The following ADARB2 variants were observed in gnomAD, a reference collection of about 807,000 sequenced individuals.
ADARB2 encodes inactive double-stranded RNA-specific editase B2.
ADARB2 carries 25 observed loss-of-function variants against 62.2 expected under a neutral mutation model. The observed-to-expected ratio is 0.40, with a 90% CI of 0.29 to 0.56. ADARB2 has a LOEUF of 0.56. Ranked by LOEUF, ADARB2 falls within the 20% of genes least tolerant of loss-of-function variation. ADARB2 has a pLI of 0.43. For synonymous variants in ADARB2, 572 were observed against 500.8 expected, an observed-to-expected ratio of 1.14 and a Z score of -1.90; for missense variants, 1,071 against 1,077.4, an observed-to-expected ratio of 0.99 and a Z score of 0.08.
At chr10:1,715,601 T>G (rs927784765) in intron 1 of ADARB2, among the ~76,000 whole-genome samples, 7 of 152,230 alleles carry the variant, frequency 4.6e-5, no homozygotes, top group African/African-American at 7.2e-5. Flanking sequence ...TCATCTGGCC[T>G]TCTTCTATCA....
intron 1 of ADARB2, among the ~76,000 whole-genome samples, chr10:1,406,812 C>G (rs983361773): frequency 1.2e-4 from 18 of 152,212 alleles, no homozygotes; most frequent in Admixed American, 1.2e-3. Context: ...GGCCCTGATT[C>G]CTGCACGTCC....
intron 1 of ADARB2, among the ~76,000 whole-genome samples, chr10:1,717,182 T>TTTTTTC (rs1835030585): frequency 4.8e-5 from 7 of 145,332 alleles, no homozygotes; most frequent in African/African-American, 1.6e-4. Context: ...TTTTTGCTTT[T>TTTTTTC]TGTTTTTAAA....
chr10:1,339,122 G>C (rs990963990), intron 3 of ADARB2, among the ~76,000 whole-genome samples: 2 of 152,216 alleles, frequency 1.3e-5, no homozygotes, highest in African/African-American at 4.8e-5. Flanking sequence ...TAGCCGGGTT[G>C]CTCGGCCACG....
chr10:1,631,027 AT>A (rs1234941975), intron 1 of ADARB2, among the ~76,000 whole-genome samples: 5 of 152,190 alleles, frequency 3.3e-5, no homozygotes, highest in African/African-American at 1.2e-4. Flanking sequence ...GAAAAGAATT[AT>A]GAGGGAAATA....
rs1469419262 is a variant in ADARB2, at chr10:1,633,609, T to TATCTATCC, written c.100+103441_100+103442insGGATAGAT. On this transcript the variant is annotated intron_variant, in intron 1 of 9. Transcript: ENST00000381312. The stretch of plus-strand genomic sequence containing the variant: ...CTATCTATCTATCTATCTATCTATC[T>TATCTATCC]ATCCCTCTATGTAATCTATCTATCC... Among the ~76,000 whole-genome samples the TATCTATCC allele has an allele frequency of 1.0e-3, 149 of 147,948 alleles. 1 individual carries two copies. Among genetic ancestry groups the TATCTATCC allele is most frequent in the African/African-American group, 3.5e-3 (139 of 39,564 alleles).
rs924845735 is a variant in ADARB2 at position 1,398,505 on chromosome 10, C to G, written c.101-19345G>C. On this transcript the variant is annotated intron_variant, in intron 1 of 9. Transcript: ENST00000381312. This position sits in a 1 kb window ranked among gnomAD's most constrained non-coding sequence, Gnocchi z 4.1. The stretch of plus-strand genomic sequence containing the variant: ...CCCTGTGGAGCTCCAGTGAAGACCC[C>G]TCTCCAGGAGCCCCTAACCCCAGTT... 1.3e-5 allele frequency among the ~76,000 whole-genome samples: 2 copies of G among 152,246 alleles called. No homozygotes were observed. Among genetic ancestry groups the G allele is most frequent in the African/African-American group, 4.8e-5 (2 of 41,474 alleles).
intron 3 of ADARB2, among the ~76,000 whole-genome samples, chr10:1,303,554 G>T (rs1319954505): frequency 6.6e-6 from 1 of 152,088 alleles, no homozygotes; most frequent in Non-Finnish European, 1.5e-5. Context: ...CTCAAGAAGA[G>T]CAACTCCAAG....
chr10:1,414,262 T>G (rs985038676), intron 1 of ADARB2, among the ~76,000 whole-genome samples: 1 of 152,226 alleles, frequency 6.6e-6, no homozygotes, highest in African/African-American at 2.4e-5. Flanking sequence ...GCTGAGGCAG[T>G]GCTTGCATGT....
intron 3 of ADARB2, among the ~76,000 whole-genome samples, chr10:1,325,024 A>G (rs867561905): frequency 6.6e-6 from 1 of 152,184 alleles, no homozygotes. Context: ...CTGTGAATCT[A>G]CAATTGTCAG....
chr10:1,398,840 C>T lies in ADARB2; in HGVS notation c.101-19680G>A, dbSNP rs1397569620. On this transcript the variant is annotated intron_variant, in intron 1 of 9. Coordinates refer to ENST00000381312, the MANE Select transcript of ADARB2 (RefSeq NM_018702.4). This position sits in a 1 kb window ranked among gnomAD's most constrained non-coding sequence, Gnocchi z 4.1. ...AGATTTTCTCCCTCCGCAGCAGCAGCGCAGCCTGCACGAGGTTGCTGGGGG... is the reference window on the plus strand; with the variant it reads ...AGATTTTCTCCCTCCGCAGCAGCAGTGCAGCCTGCACGAGGTTGCTGGGGG... 5.3e-5 allele frequency among the ~76,000 whole-genome samples: 8 copies of T among 152,118 alleles called. No individual in the cohort carries two copies.
intron 1 of ADARB2, among the ~76,000 whole-genome samples, chr10:1,719,645 T>C (rs1303056240): frequency 6.6e-6 from 1 of 152,152 alleles, no homozygotes; most frequent in Admixed American, 6.5e-5. Context: ...TTGCAAACCA[T>C]GTATCTGACA....
At chr10:1,550,867 G>A (rs1002881227) in intron 1 of ADARB2, among the ~76,000 whole-genome samples, 2 of 132,218 alleles carry the variant, frequency 1.5e-5, no homozygotes, top group Admixed American at 7.5e-5. Flanking sequence ...GCCGCCGTGC[G>A]AGCCCTGTTT....
chr10:1,660,140 C>G (rs1315824196), intron 1 of ADARB2, among the ~76,000 whole-genome samples: 1 of 152,254 alleles, frequency 6.6e-6, no homozygotes, highest in Non-Finnish European at 1.5e-5. Flanking sequence ...TGTGTCCACC[C>G]TCCTCCTCCA....
At chr10:1,318,224 G>A (rs970047132) in intron 3 of ADARB2, among the ~76,000 whole-genome samples, 4 of 152,216 alleles carry the variant, frequency 2.6e-5, no homozygotes, top group African/African-American at 9.7e-5. Context: ...CCACAGAGAA[G>A]CGTGTAGTCA....
At chr10:1,431,451 C>G (rs1008540752) in intron 1 of ADARB2, among the ~76,000 whole-genome samples, 6 of 152,126 alleles carry the variant, frequency 3.9e-5, no homozygotes, top group Non-Finnish European at 8.8e-5. Flanking sequence ...GAGGGAAATT[C>G]ATAGCACATT....
intron 1 of ADARB2, among the ~76,000 whole-genome samples, chr10:1,581,094 C>T (rs1833091542): frequency 6.6e-6 from 1 of 152,212 alleles, no homozygotes; most frequent in African/African-American, 2.4e-5. Flanking sequence ...CGTGGAGCTG[C>T]TGGAATACGT....
chr10:1,641,868 T>C (rs7079841), intron 1 of ADARB2, among the ~76,000 whole-genome samples: 74,601 of 151,508 alleles, frequency 0.49, 20,523 homozygotes, highest in East Asian at 0.69. Context: ...CAAAAATTAG[T>C]CAGGTGTGGT....
At chr10:1,544,027 A>AC (rs1474113436) in intron 1 of ADARB2, among the ~76,000 whole-genome samples, 107 of 84,884 alleles carry the variant, frequency 1.3e-3, no homozygotes, top group African/African-American at 3.3e-3. Context: ...ACAAAAAAAA[A>AC]AACACACAAA....
In ADARB2 at chr10:1,696,354, G is replaced by A. The variant is rs140417196; in HGVS notation, c.100+40697C>T. ...GTTCATGTGCATTGTGTGTGCATGT[G>A]TAGAGGCAGTGAGTGAGGTCGTGAC... On this transcript the variant is annotated intron_variant, in intron 1 of 9. Coordinates refer to ENST00000381312, the MANE Select transcript of ADARB2 (RefSeq NM_018702.4). Among the ~76,000 whole-genome samples, 506 of 152,312 alleles carry A rather than the reference G, an allele frequency of 3.3e-3. 1 individual carries two copies. The highest frequency in any genetic ancestry group is 0.011 in the African/African-American group (464 of 41,566).
Sources: gnomAD v4.1 joint callset for allele counts (sites outside exome capture counted in the v4.1 genomes callset) on GRCh38, gnomAD v4.1.1 for gene constraint, Gnocchi (gnomAD v3.1) non-coding constraint, MANE v1.5 for transcripts, NCBI Gene and HGNC (gene_info 2026-07-23, HGNC 2026-07-21) for gene names.